The following ADGRL4 variants were observed in gnomAD, a reference collection of about 807,000 sequenced individuals.
ADGRL4 encodes EGF, latrophilin and seven transmembrane domain containing 1.
ADGRL4 carries 90 observed loss-of-function variants against 74.8 expected under a neutral mutation model. That is an observed-to-expected ratio of 1.20 (90% CI 1.02 to 1.43). The LOEUF (loss-of-function observed/expected upper bound fraction) is 1.43, where lower values mean the gene tolerates loss of function less well. Ranked by LOEUF, ADGRL4 falls within the 40% of genes most tolerant of loss-of-function variation. ADGRL4 has a pLI of 0.00. For missense variants in ADGRL4, 881 were observed against 814.3 expected (o/e 1.08, Z -1.00); for synonymous variants, 311 against 279.2 (o/e 1.11, Z -1.14).
At chr1:78,966,958 T>C (rs1190182078) in intron 2 of ADGRL4, among the ~76,000 whole-genome samples, 1 of 151,820 alleles carries the variant, frequency 6.6e-6, no homozygotes, top group African/African-American at 2.4e-5. Flanking sequence ...TTTTTAGTTG[T>C]GACAAAGGAT....
chr1:78,964,665 TA>T (rs1189447707), intron 2 of ADGRL4, among the ~76,000 whole-genome samples: 1 of 152,142 alleles, frequency 6.6e-6, no homozygotes, highest in Non-Finnish European at 1.5e-5. Flanking sequence ...TGCTCTGTCA[TA>T]GGGTAATTGC....
At chr1:78,948,256 C>T (rs1409372720) in intron 2 of ADGRL4, among the ~76,000 whole-genome samples, 2 of 152,020 alleles carry the variant, frequency 1.3e-5, no homozygotes, top group Non-Finnish European at 2.9e-5. Context: ...CTCCTGGAGA[C>T]CAACAACTTT....
At position 78,936,081 on chromosome 1, in the gene ADGRL4, G is replaced by A. The variant is rs1173377225; in HGVS notation, c.877+214C>T. On this transcript the variant is annotated intron_variant, in intron 7 of 14. Transcript: ENST00000370742. ...GGAGCTTGCAGTGAGCCGAGATTGC[G>A]CCACTGCACTCCCGCCTGGGCCACA... is the stretch of plus-strand genomic sequence containing the variant. Among the ~76,000 whole-genome samples, 5 of 20,320 alleles carry A rather than the reference G, an allele frequency of 2.5e-4. 1 individual carries two copies. Among genetic ancestry groups the A allele is most frequent in the South Asian group, 3.7e-3 (2 of 544 alleles). The allele number at this position is 20,320 out of a possible 152,430, so 13.3% of individuals were successfully genotyped here. A position where few individuals can be genotyped will look rare whatever the true frequency, so the allele number is the denominator to read the frequency against.
Position 79,006,641 on chromosome 1 carries a change from G to C in ADGRL4, c.14C>G (p.Pro5Arg), listed in dbSNP as rs1650968681. 1.3e-6 allele frequency: 2 copies of C among 1,519,556 alleles called. No homozygotes were observed. The highest frequency in any genetic ancestry group is 2.9e-5 in the African/African-American group (2 of 69,282). 94.1% of individuals were successfully genotyped at this position (1,519,556 alleles called of 1,614,324 possible). MKRL[P>R]LLVVFSTLLN... Reference sequence around the variant, plus strand: ...GGGCGCTGAGCACTCACCTAGGAGCGGGAGGCGTTTCATTGGCGGTGGCCG... The same window carrying C: ...GGGCGCTGAGCACTCACCTAGGAGCCGGAGGCGTTTCATTGGCGGTGGCCG... The change falls in exon 1 of 15, where the codon CCG becomes CGG. Residue 5 changes from proline (P) to arginine (R), a missense_variant. Transcript: ENST00000370742.
chr1:78,986,416 A>G (rs1189769419), intron 2 of ADGRL4, among the ~76,000 whole-genome samples: 1 of 151,642 alleles, frequency 6.6e-6, no homozygotes, highest in Non-Finnish European at 1.5e-5. Context: ...TTTAGGCAAC[A>G]GAGTCAGACC....
intron 2 of ADGRL4, among the ~76,000 whole-genome samples, chr1:78,997,760 T>A (rs1033523259): frequency 2.6e-5 from 4 of 151,476 alleles, no homozygotes; most frequent in Non-Finnish European, 5.9e-5. Flanking sequence ...ATTTATAATT[T>A]AAAAAAAAAT....
At chr1:78,965,454 A>G (rs969460507) in intron 2 of ADGRL4, among the ~76,000 whole-genome samples, 1 of 152,174 alleles carries the variant, frequency 6.6e-6, no homozygotes, top group Non-Finnish European at 1.5e-5. Flanking sequence ...AGTTACCCAA[A>G]CAATCAAGTG....
intron 2 of ADGRL4, among the ~76,000 whole-genome samples, chr1:78,997,935 T>C (rs1200407053): frequency 6.6e-6 from 1 of 152,156 alleles, no homozygotes; most frequent in African/African-American, 2.4e-5. Context: ...GGCATCAATT[T>C]TCAGTCTCAA....
At chr1:78,891,325 C>G in intron 14 of ADGRL4, 109 bp from the exon 15 acceptor site, 1 of 1,290,724 alleles carries the variant, frequency 7.7e-7, no homozygotes, top group Non-Finnish European at 1.1e-6. Context: ...AGTATTATAG[C>G]TCAGAATATG....
intron 2 of ADGRL4, among the ~76,000 whole-genome samples, chr1:78,985,300 TTAAC>T (rs1650471025): frequency 2.0e-5 from 3 of 151,776 alleles, no homozygotes; most frequent in Admixed American, 1.3e-4. Flanking sequence ...CTGAATTATA[TTAAC>T]TAAATACATA....
intron 12 of ADGRL4, among the ~76,000 whole-genome samples, chr1:78,911,198 T>C (rs1294945012): frequency 6.6e-6 from 1 of 151,814 alleles, no homozygotes; most frequent in Non-Finnish European, 1.5e-5. Context: ...AAGTCCTTAC[T>C]CTATGGATAA....
chr1:78,979,542 G>A (rs573254643), intron 2 of ADGRL4, among the ~76,000 whole-genome samples: 5 of 151,776 alleles, frequency 3.3e-5, no homozygotes, highest in African/African-American at 1.2e-4. Context: ...GCAATCCCAC[G>A]ACTGGGTATC....
chr1:78,905,878 C>T (rs192256923), intron 12 of ADGRL4, among the ~76,000 whole-genome samples: 1 of 151,960 alleles, frequency 6.6e-6, no homozygotes, highest in Non-Finnish European at 1.5e-5. Flanking sequence ...TTTATTTTGT[C>T]TCACATTTTG....
intron 2 of ADGRL4, among the ~76,000 whole-genome samples, chr1:78,975,609 C>G (rs970430810): frequency 6.6e-6 from 1 of 151,878 alleles, no homozygotes; most frequent in Non-Finnish European, 1.5e-5. Context: ...AAACCCAACT[C>G]AGGGGTTATC....
At chr1:78,976,899 A>G (rs1240108092) in intron 2 of ADGRL4, among the ~76,000 whole-genome samples, 1 of 151,822 alleles carries the variant, frequency 6.6e-6, no homozygotes, top group African/African-American at 2.4e-5. Context: ...AATATTGAAG[A>G]GAAGGAAATC....
At chr1:78,914,742 T>C (rs2100665822) in intron 12 of ADGRL4, among the ~76,000 whole-genome samples, 1 of 151,950 alleles carries the variant, frequency 6.6e-6, no homozygotes, top group African/African-American at 2.4e-5. Flanking sequence ...CCTTTCCAGA[T>C]ACTTGAAGCG....
chr1:78,969,387 A>C (rs937670951), intron 2 of ADGRL4, among the ~76,000 whole-genome samples: 1 of 152,188 alleles, frequency 6.6e-6, no homozygotes, highest in Admixed American at 6.5e-5. Flanking sequence ...AAACTTGCCT[A>C]GACAGTCCCT....
intron 2 of ADGRL4, among the ~76,000 whole-genome samples, chr1:78,981,958 C>T (rs997702024): frequency 5.3e-5 from 8 of 151,694 alleles, no homozygotes; most frequent in African/African-American, 1.9e-4. Flanking sequence ...TTTTAGTCTT[C>T]TTTGTAATCT....
chr1:78,907,242 T>A (rs1648662904), intron 12 of ADGRL4, among the ~76,000 whole-genome samples: 1 of 152,104 alleles, frequency 6.6e-6, no homozygotes, highest in Admixed American at 6.6e-5. Context: ...TGATAGTTTA[T>A]AATGAATGCT....
Sources: gnomAD v4.1 joint callset for allele counts (sites outside exome capture counted in the v4.1 genomes callset) on GRCh38, gnomAD v4.1.1 for gene constraint, MANE v1.5 for transcripts, NCBI Gene and HGNC (gene_info 2026-07-23, HGNC 2026-07-21) for gene names.